The following MTMR7 variants were observed in gnomAD, a reference collection of about 807,000 sequenced individuals.
MTMR7 encodes phosphatidylinositol-3-phosphate phosphatase MTMR7.
MTMR7 carries 76 observed loss-of-function variants against 81.2 expected under a neutral mutation model. That is an observed-to-expected ratio of 0.94 (90% CI 0.78 to 1.13). The LOEUF (loss-of-function observed/expected upper bound fraction) is 1.13. Among genes scored for constraint, MTMR7 ranks in the 50% most tolerant of loss-of-function variants. MTMR7 has a pLI of 0.00. For missense variants in MTMR7, 1,044 were observed against 820.0 expected (o/e 1.27, Z -3.34); for synonymous variants, 372 against 289.8 (o/e 1.28, Z -2.88).
chr8:17,366,105 A>T (rs1416533050), intron 3 of MTMR7, among the ~76,000 whole-genome samples: 2 of 152,180 alleles, frequency 1.3e-5, no homozygotes, highest in Non-Finnish European at 2.9e-5. Flanking sequence ...AGAAAATGCA[A>T]GACATCAGGT....
intron 7 of MTMR7, among the ~76,000 whole-genome samples, chr8:17,313,667 T>C (rs924613770): frequency 6.6e-6 from 1 of 152,206 alleles, no homozygotes; most frequent in Non-Finnish European, 1.5e-5. Flanking sequence ...AATCCTAATA[T>C]TAATGAAAAT....
At chr8:17,309,965 GTATTTATTT>G (rs1563320831) in intron 9 of MTMR7, among the ~76,000 whole-genome samples, 1 of 152,046 alleles carries the variant, frequency 6.6e-6, no homozygotes, top group African/African-American at 2.4e-5. Context: ...TTATTTTTAA[GTATTTATTT>G]TGGTTTTGTA....
At chr8:17,310,477 TTGA>T (rs749426314) in intron 9 of MTMR7, among the ~76,000 whole-genome samples, 13 of 152,162 alleles carry the variant, frequency 8.5e-5, no homozygotes, top group Non-Finnish European at 1.8e-4. Context: ...TGAGAACAAG[TTGA>T]TGATGGAAAC....
chr8:17,355,359 G>A (rs534898787), intron 4 of MTMR7, among the ~76,000 whole-genome samples: 19 of 152,194 alleles, frequency 1.2e-4, no homozygotes, highest in African/African-American at 4.3e-4. Context: ...AAATTTAAGT[G>A]TAATTAAGAG....
intron 4 of MTMR7, among the ~76,000 whole-genome samples, chr8:17,354,746 G>T (rs1464661387): frequency 6.6e-6 from 1 of 152,138 alleles, no homozygotes; most frequent in African/African-American, 2.4e-5. Flanking sequence ...TCTCAGCCAT[G>T]GGGTCAAAAG....
At chr8:17,321,849 A>C (rs1818403260) in intron 7 of MTMR7, among the ~76,000 whole-genome samples, 1 of 152,268 alleles carries the variant, frequency 6.6e-6, no homozygotes, top group Non-Finnish European at 1.5e-5. Context: ...AAACATATAT[A>C]AACTACAGTA....
At position 17,299,142 on chromosome 8, in the gene MTMR7, A is replaced by G. The variant is rs1271607384; in HGVS notation, c.*720T>C. 6.6e-6 allele frequency: 1 copy of G among 152,240 alleles called. No individual in the cohort carries two copies. Among genetic ancestry groups the G allele is most frequent in the East Asian group, 1.9e-4 (1 of 5,200 alleles). The allele number at this position is 152,240 out of a possible 1,614,324, so 9.4% of individuals were successfully genotyped here. A position where few individuals can be genotyped will look rare whatever the true frequency, so the allele number is the denominator to read the frequency against. On this transcript the variant is annotated 3_prime_UTR_variant, in exon 14 of 14. Transcript: ENST00000180173. ...TAAATTCATATGTAAGACCAGGAGA[A>G]TGAATGTTGCTTCTACCTCGTTAGC... is the stretch of plus-strand genomic sequence containing the variant.
At chr8:17,313,841 A>G (rs978458500) in intron 7 of MTMR7, among the ~76,000 whole-genome samples, 1 of 152,226 alleles carries the variant, frequency 6.6e-6, no homozygotes, top group Admixed American at 6.5e-5. Flanking sequence ...ACTTCAGATT[A>G]GGACTGTTGT....
intron 12 of MTMR7, among the ~76,000 whole-genome samples, chr8:17,303,032 C>T (rs1586133646): frequency 6.6e-6 from 1 of 151,974 alleles, no homozygotes; most frequent in East Asian, 1.9e-4. Context: ...TTTTATCCTA[C>T]ACAAAAAAGC....
chr8:17,306,706 G>C (rs1008887365), intron 10 of MTMR7, among the ~76,000 whole-genome samples: 3 of 152,174 alleles, frequency 2.0e-5, no homozygotes, highest in African/African-American at 7.2e-5. Flanking sequence ...CCTTGAGGAA[G>C]AGGAATGAGC....
intron 1 of MTMR7, among the ~76,000 whole-genome samples, chr8:17,388,215 T>C (rs755552600): frequency 9.9e-5 from 15 of 152,158 alleles, no homozygotes; most frequent in Non-Finnish European, 2.1e-4. Flanking sequence ...TAAAAGAACA[T>C]GCACTGTTGA....
At chr8:17,366,208 C>T (rs1394312076) in intron 3 of MTMR7, among the ~76,000 whole-genome samples, 2 of 152,136 alleles carry the variant, frequency 1.3e-5, no homozygotes, top group South Asian at 2.1e-4. Flanking sequence ...GGAAAGGGTG[C>T]TCCTTCTGCC....
At chr8:17,308,901 AAG>A (rs1207240597) in intron 10 of MTMR7, among the ~76,000 whole-genome samples, 2 of 152,230 alleles carry the variant, frequency 1.3e-5, no homozygotes, top group Non-Finnish European at 2.9e-5. Flanking sequence ...TAGAAGATCA[AAG>A]AGAAACTGTT....
intron 5 of MTMR7, among the ~76,000 whole-genome samples, chr8:17,342,722 G>A (rs949346090): frequency 3.9e-5 from 6 of 152,128 alleles, no homozygotes; most frequent in Non-Finnish European, 7.4e-5. Flanking sequence ...GACAATCACT[G>A]AGGGGGTTAA....
chr8:17,310,896 C>G (rs1817745135), intron 9 of MTMR7, among the ~76,000 whole-genome samples: 1 of 152,238 alleles, frequency 6.6e-6, no homozygotes, highest in African/African-American at 2.4e-5. Flanking sequence ...GAAAACTTCA[C>G]CATCCCAGGC....
intron 4 of MTMR7, among the ~76,000 whole-genome samples, chr8:17,357,833 G>A (rs553097932): frequency 1.3e-5 from 2 of 152,288 alleles, no homozygotes; most frequent in East Asian, 3.9e-4. Context: ...ATGGATCCCT[G>A]GCATTCATTC....
chr8:17,389,104 C>G (rs1339153964), intron 1 of MTMR7, among the ~76,000 whole-genome samples: 1 of 152,220 alleles, frequency 6.6e-6, no homozygotes, highest in African/African-American at 2.4e-5. Flanking sequence ...AAGAAAAGGA[C>G]ACTGCCACTC....
intron 1 of MTMR7, among the ~76,000 whole-genome samples, chr8:17,393,706 G>T (rs192671349): frequency 0.014 from 2,177 of 152,222 alleles, 39 homozygotes; most frequent in Non-Finnish European, 0.023. Context: ...CAGAGGGGTT[G>T]CGAGGGGAGG....
chr8:17,306,955 A>T (rs963018798), intron 10 of MTMR7, among the ~76,000 whole-genome samples: 4 of 152,198 alleles, frequency 2.6e-5, no homozygotes, highest in East Asian at 1.9e-4. Context: ...AACCTAGGCA[A>T]TACCATTCAG....
Sources: gnomAD v4.1 joint callset for allele counts (sites outside exome capture counted in the v4.1 genomes callset) on GRCh38, gnomAD v4.1.1 for gene constraint, MANE v1.5 for transcripts, NCBI Gene and HGNC (gene_info 2026-07-23, HGNC 2026-07-21) for gene names.